The following FAT1 variants were observed in gnomAD, a reference collection of about 807,000 sequenced individuals.
FAT1 encodes the protein protocadherin Fat 1.
In FAT1, 171 loss-of-function variants were observed where a neutral mutation model predicts 329.8. The observed-to-expected ratio is 0.52, with a 90% CI of 0.46 to 0.59. The LOEUF is 0.59. Among genes scored for constraint, FAT1 ranks in the 20% least tolerant of loss-of-function variants. The pLI is 0.00. For missense variants in FAT1, 5,672 were observed against 5,774.4 expected, an observed-to-expected ratio of 0.98 and a Z score of 0.57; for synonymous variants, 2,233 against 2,228.6, an observed-to-expected ratio of 1.00 and a Z score of -0.06.
Position 186,589,194 on chromosome 4 carries a change from T to C in FAT1, c.13165A>G (p.Met4389Val). The C allele has an allele frequency of 6.2e-7, 1 of 1,613,144 alleles. No homozygotes were observed. The highest frequency in any genetic ancestry group is 1.1e-5 in the South Asian group (1 of 90,896). Residue 4389 changes from methionine to valine, a missense_variant, in exon 27 of 27, where the codon ATG becomes GTG. By Grantham distance (21) the Met-to-Val change is conservative (BLOSUM62 1). Around this residue, in one of 2 missense-constraint regions of FAT1, gnomAD observed 1,706 missense variants for 1,859.1 expected, o/e 0.92. Transcript: ENST00000441802. ...NGYHWDTSDWMPSVPLPDIQE... is the reference protein window; with the variant it reads ...NGYHWDTSDWVPSVPLPDIQE... Reference sequence around the variant, plus strand: ...ATGTCCGGCAGAGGAACGCTTGGCATCCAATCTGATGTATCCCAGTGATAC... The same window carrying C: ...ATGTCCGGCAGAGGAACGCTTGGCACCCAATCTGATGTATCCCAGTGATAC...
intron 20 of FAT1, among the ~76,000 whole-genome samples, chr4:186,601,947 C>T (rs1738835810): frequency 6.6e-6 from 1 of 152,120 alleles, no homozygotes; most frequent in Admixed American, 6.6e-5. Context: ...ACAGAGGTAA[C>T]TGCAACACTG....
chr4:186,600,419 T>G (rs1738756769), intron 21 of FAT1, 59 bp from the exon 22 acceptor site: 1 of 1,411,726 alleles, frequency 7.1e-7, no homozygotes, highest in East Asian at 2.4e-5. Flanking sequence ...TGAGAGCACC[T>G]GATCACAAAT....
At position 186,665,325 on chromosome 4, in the gene FAT1, T is replaced by C. The variant is rs61105787; in HGVS notation, c.3266-1712A>G. On this transcript the variant is annotated intron_variant, in intron 2 of 26. Coordinates refer to ENST00000441802, the MANE Select transcript of FAT1 (RefSeq NM_005245.4). ...CAGTCCCACCAACAGTGTTAAAGTG[T>C]TCCTATTTCTCCACATCCTCTCCAG... Among the ~76,000 whole-genome samples the C allele has an allele frequency of 4.5e-3, 690 of 152,298 alleles. 6 individuals are homozygous for C. Among genetic ancestry groups the C allele is most frequent in the African/African-American group, 0.016 (655 of 41,566 alleles).
chr4:186,615,986 C>A (rs139912217), intron 11 of FAT1, among the ~76,000 whole-genome samples: 45 of 152,292 alleles, frequency 3.0e-4, no homozygotes, highest in African/African-American at 1.1e-3. Flanking sequence ...TCAGACTCCT[C>A]TTTGCCACGG....
intron 9 of FAT1, among the ~76,000 whole-genome samples, chr4:186,622,473 C>A (rs1284182419): frequency 2.0e-5 from 3 of 152,094 alleles, no homozygotes; most frequent in Non-Finnish European, 4.4e-5. Flanking sequence ...TGGGTGGAGA[C>A]CAGGGGTGTT....
At chr4:186,608,541 C>T (rs62350416) in intron 16 of FAT1, among the ~76,000 whole-genome samples, 10,441 of 152,106 alleles carry the variant, frequency 0.069, 460 homozygotes, top group Middle Eastern at 0.19. Flanking sequence ...CCACCACACC[C>T]GACATTTTTT....
chr4:186,615,405 C>A (rs1482707716), intron 11 of FAT1, among the ~76,000 whole-genome samples: 1 of 152,150 alleles, frequency 6.6e-6, no homozygotes, highest in Non-Finnish European at 1.5e-5. Flanking sequence ...CTCACAGAAC[C>A]TGTGGTGGGT....
intron 9 of FAT1, among the ~76,000 whole-genome samples, chr4:186,622,901 T>C (rs1376264151): frequency 1.3e-5 from 2 of 152,250 alleles, no homozygotes; most frequent in African/African-American, 4.8e-5. Context: ...TTAACTGCTT[T>C]CTCAGATTCT....
chr4:186,650,131 A>C (rs979961616), intron 3 of FAT1, among the ~76,000 whole-genome samples: 2 of 152,230 alleles, frequency 1.3e-5, no homozygotes, highest in African/African-American at 4.8e-5. Context: ...ATGAAACAAA[A>C]TTCCCAAGTG....
At position 186,609,344 on chromosome 4, in the gene FAT1, T is replaced by A. The variant is rs1210999503; in HGVS notation, c.10069-24A>T. 3 of 1,608,354 alleles carry A rather than the reference T, an allele frequency of 1.9e-6. No homozygotes were observed. In the African/African-American group the frequency reaches 4.0e-5, roughly 22 times the overall value. On this transcript the variant is annotated intron_variant, in intron 15 of 26. Transcript: ENST00000441802. ...ACCTAGAACACACCACACTCCTGTT[T>A]AGGAGACAGCTAAGAAGAGGCCTAA...
In FAT1 at chr4:186,708,692, A is replaced by G. The variant is rs1744778940; in HGVS notation, c.1136T>C (p.Phe379Ser). The part of the protein sequence containing the change: ...KDVYRAEISE[F>S]APPNTPVVMV... ...GACCACAGGTGTGTTGGGAGGAGCAAATTCACTTATTTCTGCTCTGTAAAC... is the reference window on the plus strand; with the variant it reads ...GACCACAGGTGTGTTGGGAGGAGCAGATTCACTTATTTCTGCTCTGTAAAC... Residue 379 changes from phenylalanine to serine, a missense_variant, in exon 2 of 27, where the codon TTT becomes TCT. Phe to Ser is a radical substitution (Grantham distance 155). Coordinates refer to ENST00000441802, the MANE Select transcript of FAT1 (RefSeq NM_005245.4). The G allele has an allele frequency of 1.2e-6, 2 of 1,613,738 alleles. No individual in the cohort carries two copies. The highest frequency in any genetic ancestry group is 1.3e-5 in the African/African-American group (1 of 74,910).
At chr4:186,639,324 A>G (rs964975700) in intron 4 of FAT1, among the ~76,000 whole-genome samples, 1 of 152,254 alleles carries the variant, frequency 6.6e-6, no homozygotes, top group African/African-American at 2.4e-5. Flanking sequence ...AAACAGATCT[A>G]TAAATACCAA....
intron 26 of FAT1, among the ~76,000 whole-genome samples, chr4:186,594,782 T>C (rs1460207890): frequency 6.7e-6 from 1 of 149,146 alleles, no homozygotes; most frequent in African/African-American, 2.5e-5. Flanking sequence ...CTATATGGAT[T>C]TATGGACTAT....
chr4:186,647,206 T>C (rs1002875994), intron 3 of FAT1, among the ~76,000 whole-genome samples: 1 of 152,208 alleles, frequency 6.6e-6, no homozygotes, highest in African/African-American at 2.4e-5. Flanking sequence ...AGGTGAATAT[T>C]AAACTGTCCT....
At chr4:186,723,090 A>G (rs968347486) in intron 1 of FAT1, among the ~76,000 whole-genome samples, 1 of 152,272 alleles carries the variant, frequency 6.6e-6, no homozygotes, top group Admixed American at 6.5e-5. Flanking sequence ...CTTTCTTTTA[A>G]AAAGATCTTA....
intron 1 of FAT1, among the ~76,000 whole-genome samples, chr4:186,710,380 T>C (rs1161214976): frequency 6.6e-6 from 1 of 152,210 alleles, no homozygotes; most frequent in African/African-American, 2.4e-5. Flanking sequence ...GTAATCTCAT[T>C]TCAAAATGTA....
At chr4:186,694,475 TG>T (rs1743935072) in intron 2 of FAT1, among the ~76,000 whole-genome samples, 1 of 152,186 alleles carries the variant, frequency 6.6e-6, no homozygotes, top group East Asian at 1.9e-4. Context: ...AAAGAACAAA[TG>T]AGTTTTTAAA....
At chr4:186,641,240 A>G (rs950286774) in intron 3 of FAT1, among the ~76,000 whole-genome samples, 9 of 152,228 alleles carry the variant, frequency 5.9e-5, no homozygotes, top group African/African-American at 1.2e-4. Context: ...ACAGAAGGCT[A>G]TATCATACCT....
At chr4:186,648,057 T>G (rs145242499) in intron 3 of FAT1, among the ~76,000 whole-genome samples, 3 of 152,262 alleles carry the variant, frequency 2.0e-5, no homozygotes, top group African/African-American at 7.2e-5. Context: ...TGATGAGACA[T>G]GCATATGTGT....
Sources: gnomAD v4.1 joint callset for allele counts (sites outside exome capture counted in the v4.1 genomes callset) on GRCh38, gnomAD v4.1.1 for gene constraint, gnomAD v4.1.1 regional missense constraint, MANE v1.5 for transcripts, NCBI Gene and HGNC (gene_info 2026-07-23, HGNC 2026-07-21) for gene names.